LCLAT1: variants seen among roughly 807,000 people sequenced by gnomAD.
The protein encoded by LCLAT1 is lysocardiolipin acyltransferase 1.
LCLAT1 carries 11 observed loss-of-function variants against 30.7 expected under a neutral mutation model. The observed-to-expected ratio is 0.36, with a 90% confidence interval of 0.23 to 0.59. The LOEUF is 0.59. Ranked by LOEUF, LCLAT1 falls within the 20% of genes least tolerant of loss-of-function variation. LCLAT1 has a pLI of 0.77. For synonymous variants in LCLAT1, 155 were observed against 151.3 expected (o/e 1.02, Z -0.18); for missense variants, 402 against 458.6 (o/e 0.88, Z 1.13).
chr2:30,451,309 A>G (rs1558444804), intron 1 of LCLAT1, among the ~76,000 whole-genome samples: 1 of 152,166 alleles, frequency 6.6e-6, no homozygotes, highest in Non-Finnish European at 1.5e-5. Context: ...GATCTCTTAC[A>G]TATTGTTGGT....
At chr2:30,535,120 T>G (rs1264151585) in intron 3 of LCLAT1, among the ~76,000 whole-genome samples, 1 of 151,958 alleles carries the variant, frequency 6.6e-6, no homozygotes, top group Non-Finnish European at 1.5e-5. Flanking sequence ...CTTACAGAGG[T>G]TTTTGTAGGA....
intron 5 of LCLAT1, among the ~76,000 whole-genome samples, chr2:30,614,328 G>A (rs1338038262): frequency 6.8e-6 from 1 of 147,726 alleles, no homozygotes; most frequent in African/African-American, 2.5e-5. Context: ...TAGATTAACA[G>A]AATCTCAAGG....
At chr2:30,515,472 G>A (rs1043168964) in intron 1 of LCLAT1, among the ~76,000 whole-genome samples, 13 of 152,174 alleles carry the variant, frequency 8.5e-5, no homozygotes, top group African/African-American at 3.1e-4. Flanking sequence ...ATCTTTGTCA[G>A]GGAGTGTCCT....
intron 3 of LCLAT1, among the ~76,000 whole-genome samples, chr2:30,554,936 A>G (rs1432317889): frequency 2.0e-5 from 3 of 151,942 alleles, no homozygotes; most frequent in African/African-American, 7.2e-5. Flanking sequence ...AGAAAAAAAT[A>G]TATATTTTCT....
Position 30,640,747 on chromosome 2 carries a change from T to C in LCLAT1, c.*128T>C, listed in dbSNP as rs1350443725. 8.5e-7 allele frequency: 1 copy of C among 1,181,120 alleles called. No homozygotes were observed. Among genetic ancestry groups the C allele is most frequent in the South Asian group, 1.6e-5 (1 of 61,064 alleles). 73.2% of individuals were successfully genotyped at this position (1,181,120 alleles called of 1,614,324 possible). ...TACTGCCATCATTATTTGTTAAAGATATTTTGCACTTAATTTTGTGGGAAA... is the reference window on the plus strand; with the variant it reads ...TACTGCCATCATTATTTGTTAAAGACATTTTGCACTTAATTTTGTGGGAAA... On this transcript the variant is annotated 3_prime_UTR_variant, in exon 6 of 6. Transcript: ENST00000379509.
chr2:30,621,382 C>T (rs1668240842), intron 5 of LCLAT1, among the ~76,000 whole-genome samples: 1 of 152,108 alleles, frequency 6.6e-6, no homozygotes, highest in Middle Eastern at 3.4e-3. Context: ...AAATGGAGCC[C>T]CTCATGAAAG....
chr2:30,553,575 G>C (rs913352155), intron 3 of LCLAT1, among the ~76,000 whole-genome samples: 25 of 152,162 alleles, frequency 1.6e-4, no homozygotes, highest in African/African-American at 5.1e-4. Context: ...CAGCACTTTG[G>C]GAGGCCGAGG....
At chr2:30,617,181 T>TG (rs1484284936) in intron 5 of LCLAT1, among the ~76,000 whole-genome samples, 2 of 152,200 alleles carry the variant, frequency 1.3e-5, no homozygotes, top group African/African-American at 4.8e-5. Flanking sequence ...TATGTACCTC[T>TG]GCAGTCAGGC....
At chr2:30,549,373 A>T (rs1664576926) in intron 3 of LCLAT1, among the ~76,000 whole-genome samples, 1 of 152,216 alleles carries the variant, frequency 6.6e-6, no homozygotes, top group South Asian at 2.1e-4. Flanking sequence ...TAGTACTTTT[A>T]GTACCCTTAG....
At chr2:30,541,182 A>T (rs3862977) in intron 3 of LCLAT1, among the ~76,000 whole-genome samples, 1 of 152,078 alleles carries the variant, frequency 6.6e-6, no homozygotes, top group Non-Finnish European at 1.5e-5. Context: ...AATCTTTTAC[A>T]TCATCTGGAT....
chr2:30,565,615 C>T (rs1306629036), intron 4 of LCLAT1, among the ~76,000 whole-genome samples: 1 of 152,106 alleles, frequency 6.6e-6, no homozygotes, highest in Non-Finnish European at 1.5e-5. Context: ...TAACATAACA[C>T]CTATATACAT....
At chr2:30,575,938 A>C (rs890687678) in intron 5 of LCLAT1, among the ~76,000 whole-genome samples, 1 of 152,146 alleles carries the variant, frequency 6.6e-6, no homozygotes, top group South Asian at 2.1e-4. Context: ...AGCTATAAAA[A>C]TGCCTACTAT....
At chr2:30,637,640 C>T (rs995719277) in intron 5 of LCLAT1, among the ~76,000 whole-genome samples, 4 of 152,110 alleles carry the variant, frequency 2.6e-5, no homozygotes, top group African/African-American at 4.8e-5. Context: ...TGCATTGGCA[C>T]GATCTCAGCT....
At chr2:30,531,695 G>A (rs912029375) in intron 2 of LCLAT1, among the ~76,000 whole-genome samples, 1 of 151,998 alleles carries the variant, frequency 6.6e-6, no homozygotes, top group African/African-American at 2.4e-5. Flanking sequence ...GTAACAATTT[G>A]GACATATAAC....
intron 3 of LCLAT1, among the ~76,000 whole-genome samples, chr2:30,535,104 A>T (rs1234078387): frequency 6.6e-6 from 1 of 152,174 alleles, no homozygotes; most frequent in Non-Finnish European, 1.5e-5. Context: ...CATAATTAAA[A>T]GTCCTCTTAC....
intron 1 of LCLAT1, 82 bp from the exon 2 acceptor site, chr2:30,525,505 A>C: frequency 1.9e-6 from 2 of 1,074,550 alleles, no homozygotes; most frequent in South Asian, 2.9e-5. Context: ...ATTAGTGATC[A>C]TTCTATGCTC....
chr2:30,612,125 C>G (rs1013478257), intron 5 of LCLAT1, among the ~76,000 whole-genome samples: 1 of 152,094 alleles, frequency 6.6e-6, no homozygotes, highest in African/African-American at 2.4e-5. Context: ...ACAAGTACTT[C>G]TACAGTAATA....
chr2:30,548,520 G>A (rs943088738), intron 3 of LCLAT1, among the ~76,000 whole-genome samples: 1 of 152,134 alleles, frequency 6.6e-6, no homozygotes, highest in Admixed American at 6.5e-5. Flanking sequence ...GGAAAGGATT[G>A]TTTAGGTTAA....
intron 1 of LCLAT1, among the ~76,000 whole-genome samples, chr2:30,496,654 T>G (rs191507658): frequency 6.6e-6 from 1 of 152,258 alleles, no homozygotes; most frequent in African/African-American, 2.4e-5. Context: ...ATGTGTCATA[T>G]GCAGATGCAA....
Sources: gnomAD v4.1 joint callset for allele counts (sites outside exome capture counted in the v4.1 genomes callset) on GRCh38, gnomAD v4.1.1 for gene constraint, MANE v1.5 for transcripts, NCBI Gene and HGNC (gene_info 2026-07-23, HGNC 2026-07-21) for gene names.